The following CRADD variants were observed in gnomAD, a reference collection of about 807,000 sequenced individuals.
The protein encoded by CRADD is death domain-containing protein CRADD.
Under a neutral mutation model 15.5 loss-of-function variants are expected in CRADD, and 9 were observed. That is an observed-to-expected ratio of 0.58 (90% CI 0.35 to 1.01). CRADD has a LOEUF of 1.01. CRADD is among the 50% of genes least tolerant of loss of function. The pLI, the probability that CRADD is intolerant of heterozygous loss-of-function variation, is 0.02. For synonymous variants in CRADD, 118 were observed against 107.6 expected (o/e 1.10, Z -0.60); for missense variants, 227 against 250.3 (o/e 0.91, Z 0.63).
intron 2 of CRADD, among the ~76,000 whole-genome samples, chr12:93,788,364 C>T (rs1457268558): frequency 6.6e-6 from 1 of 152,132 alleles, no homozygotes; most frequent in Admixed American, 6.5e-5. Flanking sequence ...ATTCAGTTAT[C>T]TCCACCTTGT....
At position 93,796,600 on chromosome 12, in the gene CRADD, C is replaced by CAA. The variant is rs397813054; in HGVS notation, c.299-53355_299-53354dup. The stretch of plus-strand genomic sequence containing the variant: ...AGCAGGGTGACGAGCAAAACGGTGT[C>CAA]AAAAAAAAAAAAAAAAGCCATCTGG... On this transcript the variant is annotated intron_variant, in intron 2 of 2. Transcript: ENST00000332896. Among the ~76,000 whole-genome samples the CAA allele has an allele frequency of 7.4e-3, 838 of 113,800 alleles. 13 individuals carry two copies. The highest frequency in any genetic ancestry group is 0.036 in the East Asian group (162 of 4,490). 74.7% of individuals were successfully genotyped at this position (113,800 alleles called of 152,430 possible). A position where few individuals can be genotyped will look rare whatever the true frequency, so the allele number is the denominator to read the frequency against.
intron 2 of CRADD, among the ~76,000 whole-genome samples, chr12:93,721,591 CTT>C (rs1288712760): frequency 6.6e-6 from 1 of 152,092 alleles, no homozygotes; most frequent in African/African-American, 2.4e-5. Context: ...ATGTTTTTCT[CTT>C]GTCATTATTT....
At position 93,877,094 on chromosome 12, in the gene CRADD, G is replaced by C. The variant is rs147213142; in HGVS notation, c.299-16956G>C. On this transcript the variant is annotated intron_variant, in intron 2 of 2. Transcript: ENST00000548483. ...AGAAGTACTGCCTTGATGGCCATGG[G>C]ACAAGATCTGGGAGAAGTATCTGGA... 1.1e-3 allele frequency among the ~76,000 whole-genome samples: 165 copies of C among 152,332 alleles called. 1 individual carries two copies. Among genetic ancestry groups the C allele is most frequent in the African/African-American group, 3.5e-3 (144 of 41,566 alleles).
chr12:93,741,593 ACT>A (rs2136928742), intron 2 of CRADD, among the ~76,000 whole-genome samples: 1 of 152,270 alleles, frequency 6.6e-6, no homozygotes, highest in South Asian at 2.1e-4. Context: ...AGTGGAATAC[ACT>A]CTGTGCTGAA....
At chr12:93,818,598 G>A (rs920773817) in intron 2 of CRADD, among the ~76,000 whole-genome samples, 2 of 152,208 alleles carry the variant, frequency 1.3e-5, no homozygotes, top group Non-Finnish European at 2.9e-5. Context: ...GTTGGCAGAG[G>A]AGGCATGCAG....
chr12:93,720,120 A>G (rs1956232643), intron 2 of CRADD, among the ~76,000 whole-genome samples: 1 of 152,110 alleles, frequency 6.6e-6, no homozygotes, highest in Admixed American at 6.5e-5. Context: ...AAATTTTGAT[A>G]AGTTGTTTCC....
chr12:93,683,442 G>A (rs569276997), intron 2 of CRADD, among the ~76,000 whole-genome samples: 33 of 152,328 alleles, frequency 2.2e-4, no homozygotes, highest in Non-Finnish European at 2.6e-4. Context: ...AACACAGCTC[G>A]GTGCCTCCGG....
chr12:93,754,922 T>C (rs1956870633), intron 2 of CRADD, among the ~76,000 whole-genome samples: 2 of 152,158 alleles, frequency 1.3e-5, no homozygotes, highest in Admixed American at 1.3e-4. Flanking sequence ...ATCAGTCCAT[T>C]TTCATACTGC....
chr12:93,717,213 A>T (rs73361526), intron 2 of CRADD, among the ~76,000 whole-genome samples: 4,127 of 152,240 alleles, frequency 0.027, 127 homozygotes, highest in East Asian at 0.087. Context: ...GCCATTTTTT[A>T]AATCAAGTTG....
chr12:93,855,416 G>A (rs968284188), downstream of CRADD, among the ~76,000 whole-genome samples: 5 of 152,176 alleles, frequency 3.3e-5, no homozygotes, highest in Admixed American at 1.3e-4. Flanking sequence ...GCAGGGAGGC[G>A]AAAAGATTAC....
At chr12:93,866,938 G>A (rs1393548419) in intron 2 of CRADD, among the ~76,000 whole-genome samples, 1 of 152,136 alleles carries the variant, frequency 6.6e-6, no homozygotes, top group African/African-American at 2.4e-5. Flanking sequence ...ACACTTCAGA[G>A]ACCTTCTGTT....
At chr12:93,739,360 TA>T (rs778427328) in intron 2 of CRADD, among the ~76,000 whole-genome samples, 68 of 151,882 alleles carry the variant, frequency 4.5e-4, no homozygotes, top group Non-Finnish European at 7.4e-4. Context: ...CTAAAGTATA[TA>T]ACATATTATT....
intron 2 of CRADD, among the ~76,000 whole-genome samples, chr12:93,783,356 C>G (rs1028977144): frequency 6.0e-5 from 9 of 151,080 alleles, no homozygotes; most frequent in African/African-American, 2.2e-4. Context: ...AAAATCTGAG[C>G]TCTTTTGTTT....
At chr12:93,744,408 C>G (rs1051903513) in intron 2 of CRADD, among the ~76,000 whole-genome samples, 1 of 152,170 alleles carries the variant, frequency 6.6e-6, no homozygotes, top group East Asian at 1.9e-4. Flanking sequence ...TTAGATTTCC[C>G]TGCCTTCCCC....
chr12:93,686,304 C>CAAAAAAAAAAAAAAAAAAAAAA (rs59096792), intron 2 of CRADD, among the ~76,000 whole-genome samples: 11 of 65,986 alleles, frequency 1.7e-4, no homozygotes, highest in Admixed American at 2.0e-4. Context: ...CCATCCCCCC[C>CAAAAAAAAAAAAAAAAAAAAAA]AAAAAAAAAA....
At chr12:93,813,022 A>C (rs565635615) in intron 2 of CRADD, among the ~76,000 whole-genome samples, 1 of 152,376 alleles carries the variant, frequency 6.6e-6, no homozygotes, top group South Asian at 2.1e-4. Context: ...TGCGGGAAGA[A>C]AAGGCAGGAA....
chr12:93,752,012 A>G (rs1956834263), intron 2 of CRADD, among the ~76,000 whole-genome samples: 1 of 152,240 alleles, frequency 6.6e-6, no homozygotes, highest in African/African-American at 2.4e-5. Flanking sequence ...CGGGCCGGCA[A>G]GTAACTACCT....
At chr12:93,739,619 G>T (rs1313935770) in intron 2 of CRADD, among the ~76,000 whole-genome samples, 1 of 152,022 alleles carries the variant, frequency 6.6e-6, no homozygotes, top group Non-Finnish European at 1.5e-5. Flanking sequence ...CTATGACAAT[G>T]TCACTGGATT....
At chr12:93,712,881 G>A (rs1239517110) in intron 2 of CRADD, among the ~76,000 whole-genome samples, 1 of 152,030 alleles carries the variant, frequency 6.6e-6, no homozygotes, top group Non-Finnish European at 1.5e-5. Context: ...GAGGCCTGGA[G>A]AAATGAATTG....
Sources: gnomAD v4.1 joint callset for allele counts (sites outside exome capture counted in the v4.1 genomes callset) on GRCh38, gnomAD v4.1.1 for gene constraint, MANE v1.5 for transcripts, NCBI Gene and HGNC (gene_info 2026-07-23, HGNC 2026-07-21) for gene names.